The following NELL1 variants were observed in gnomAD, a reference collection of about 807,000 sequenced individuals.
The protein encoded by NELL1 is protein kinase C-binding protein NELL1.
A neutral mutation model predicts 107.4 loss-of-function variants in NELL1; 76 were observed. The observed-to-expected ratio is 0.71, with a 90% CI of 0.59 to 0.86. The LOEUF (loss-of-function observed/expected upper bound fraction) is 0.86, where lower values mean the gene tolerates loss of function less well. Ranked by LOEUF, NELL1 falls within the 40% of genes least tolerant of loss-of-function variation. The probability of loss-of-function intolerance (pLI) is 0.00; values close to 1 mark genes in which losing one functional copy is unlikely to be tolerated. For missense variants in NELL1, 1,024 were observed against 1,005.5 expected, an observed-to-expected ratio of 1.02 and a Z score of -0.25; for synonymous variants, 353 against 341.2, an observed-to-expected ratio of 1.03 and a Z score of -0.38.
At chr11:21,083,533 G>A (rs139199631) in intron 12 of NELL1, among the ~76,000 whole-genome samples, 222 of 152,206 alleles carry the variant, frequency 1.5e-3, no homozygotes, top group African/African-American at 3.9e-3. Context: ...ATTGTGATAG[G>A]ATTCAAGCCC....
intron 4 of NELL1, among the ~76,000 whole-genome samples, chr11:20,871,298 G>A (rs1312950262): frequency 6.6e-6 from 1 of 152,176 alleles, no homozygotes; most frequent in East Asian, 1.9e-4. Flanking sequence ...AAGAGGGGTG[G>A]AGAGTGTATC....
Position 21,534,527 on chromosome 11 carries a change from C to G in NELL1, c.1786+13C>G. The G allele has an allele frequency of 1.2e-6, 2 of 1,613,480 alleles. No homozygotes were observed. Among genetic ancestry groups the G allele is most frequent in the Non-Finnish European group, 1.7e-6 (2 of 1,179,578 alleles). The stretch of plus-strand genomic sequence containing the variant: ...GAGTCCTGTATTGGTAAGCAGCTTT[C>G]AGGCATGCCCTCCAACTGCTTGGAC... On this transcript the variant is annotated intron_variant, in intron 16 of 19. Coordinates refer to ENST00000357134, the MANE Select transcript of NELL1 (RefSeq NM_006157.5).
chr11:21,318,478 A>G (rs921478102), intron 14 of NELL1, among the ~76,000 whole-genome samples: 1 of 152,132 alleles, frequency 6.6e-6, no homozygotes, highest in Admixed American at 6.6e-5. Flanking sequence ...CTTTGAAACA[A>G]AGTTATTATT....
chr11:21,189,253 A>T (rs1856999171), intron 13 of NELL1, among the ~76,000 whole-genome samples: 1 of 151,912 alleles, frequency 6.6e-6, no homozygotes, highest in Non-Finnish European at 1.5e-5. Flanking sequence ...GTTGGAATTA[A>T]TGTACTGGCA....
At chr11:20,806,290 G>A (rs969045825) in intron 3 of NELL1, among the ~76,000 whole-genome samples, 19 of 151,220 alleles carry the variant, frequency 1.3e-4, no homozygotes, top group Admixed American at 1.3e-3. Flanking sequence ...GTGTGTTTGT[G>A]TTTGTGTTTG....
intron 13 of NELL1, among the ~76,000 whole-genome samples, chr11:21,166,729 A>G (rs900197961): frequency 5.3e-5 from 8 of 151,968 alleles, no homozygotes; most frequent in African/African-American, 1.7e-4. Context: ...ACTTTTGATC[A>G]AATGAAAGAA....
intron 12 of NELL1, among the ~76,000 whole-genome samples, chr11:20,962,808 A>G: frequency 6.6e-6 from 1 of 152,180 alleles, no homozygotes; most frequent in Non-Finnish European, 1.5e-5. Context: ...GGTAATGGCA[A>G]TGTGACTGGG....
At chr11:21,558,302 A>T (rs1856769180) in intron 16 of NELL1, among the ~76,000 whole-genome samples, 1 of 151,924 alleles carries the variant, frequency 6.6e-6, no homozygotes. Context: ...TTAAAAAAAA[A>T]TCAGTTGACA....
intron 12 of NELL1, among the ~76,000 whole-genome samples, chr11:21,102,334 T>C (rs1400375): frequency 0.27 from 40,898 of 152,046 alleles, 6,091 homozygotes; most frequent in African/African-American, 0.38. Context: ...CCACCATTAC[T>C]ACCACCTCTA....
chr11:20,922,042 AG>A (rs1850390608), intron 7 of NELL1, among the ~76,000 whole-genome samples: 1 of 151,968 alleles, frequency 6.6e-6, no homozygotes, highest in Admixed American at 6.6e-5. Context: ...TGAACATGAA[AG>A]TTTTCTTTCT....
intron 2 of NELL1, among the ~76,000 whole-genome samples, chr11:20,759,237 G>C (rs1856364733): frequency 6.6e-6 from 1 of 152,068 alleles, no homozygotes; most frequent in East Asian, 1.9e-4. Flanking sequence ...TTAAAATTTG[G>C]GAGTATTTTG....
intron 2 of NELL1, among the ~76,000 whole-genome samples, chr11:20,741,482 C>T (rs1855888244): frequency 6.6e-6 from 1 of 152,136 alleles, no homozygotes; most frequent in African/African-American, 2.4e-5. Flanking sequence ...AGCCTACAAG[C>T]ATAATCAGGA....
chr11:21,424,329 T>C (rs911512800), intron 15 of NELL1, among the ~76,000 whole-genome samples: 5 of 152,090 alleles, frequency 3.3e-5, no homozygotes, highest in African/African-American at 1.2e-4. Flanking sequence ...GAGAGTACTG[T>C]ATGCCAGCGG....
chr11:20,950,532 G>A (rs1851049057), intron 11 of NELL1, among the ~76,000 whole-genome samples: 1 of 152,162 alleles, frequency 6.6e-6, no homozygotes, highest in East Asian at 1.9e-4. Flanking sequence ...GGAGAAGGGG[G>A]TTGGACAATT....
intron 12 of NELL1, among the ~76,000 whole-genome samples, chr11:21,088,346 A>G (rs762346953): frequency 1.6e-4 from 24 of 152,230 alleles, no homozygotes; most frequent in Admixed American, 2.6e-4. Flanking sequence ...CATTATCATA[A>G]TTACTATGCA....
chr11:21,478,653 A>G (rs764052308), intron 15 of NELL1, among the ~76,000 whole-genome samples: 1 of 151,802 alleles, frequency 6.6e-6, no homozygotes, highest in African/African-American at 2.4e-5. Flanking sequence ...ACAAGCACAG[A>G]CAATCAAAGT....
intron 13 of NELL1, among the ~76,000 whole-genome samples, chr11:21,219,835 T>C (rs972141137): frequency 1.3e-5 from 2 of 152,158 alleles, no homozygotes; most frequent in Admixed American, 6.5e-5. Context: ...CTGAGACTGG[T>C]AATTTATAAA....
chr11:21,338,923 A>G (rs1850499226), intron 14 of NELL1, among the ~76,000 whole-genome samples: 1 of 152,162 alleles, frequency 6.6e-6, no homozygotes, highest in South Asian at 2.1e-4. Context: ...ATGCATTTTT[A>G]TGGAGAAGGG....
chr11:21,290,411 A>AGG, intron 14 of NELL1, among the ~76,000 whole-genome samples: 1 of 150,772 alleles, frequency 6.6e-6, no homozygotes, highest in Non-Finnish European at 1.5e-5. Context: ...AAATAAATAA[A>AGG]TAAATAAATA....
Sources: gnomAD v4.1 joint callset for allele counts (sites outside exome capture counted in the v4.1 genomes callset) on GRCh38, gnomAD v4.1.1 for gene constraint, MANE v1.5 for transcripts, NCBI Gene and HGNC (gene_info 2026-07-23, HGNC 2026-07-21) for gene names.